CCDC91: variants seen among roughly 807,000 people sequenced by gnomAD.
CCDC91 encodes the protein coiled-coil domain containing 91.
Under a neutral mutation model 63.2 loss-of-function variants are expected in CCDC91, and 48 were observed. The ratio of observed to expected loss-of-function variants is 0.76; its 90% CI spans 0.60 to 0.97. CCDC91 has a LOEUF of 0.97. Ranked by LOEUF, CCDC91 falls within the 50% of genes least tolerant of loss-of-function variation. CCDC91 has a pLI of 0.00. For synonymous variants in CCDC91, 167 were observed against 165.8 expected, an observed-to-expected ratio of 1.01 and a Z score of -0.06; for missense variants, 500 against 494.6, an observed-to-expected ratio of 1.01 and a Z score of -0.10.
intron 3 of CCDC91, among the ~76,000 whole-genome samples, chr12:28,286,154 G>T (rs982567096): frequency 6.6e-6 from 1 of 151,832 alleles, no homozygotes; most frequent in African/African-American, 2.4e-5. Context: ...TTCCAATAAA[G>T]AAGTTTTTTT....
chr12:28,248,010 T>C (rs1170066843), intron 1 of CCDC91, among the ~76,000 whole-genome samples: 2 of 152,152 alleles, frequency 1.3e-5, no homozygotes, highest in African/African-American at 4.8e-5. Context: ...CACCTCCTGC[T>C]GTGCAGCCTG....
Position 28,549,332 on chromosome 12 carries a change from G to T in CCDC91, c.*159G>T. 1 of 473,496 alleles carries T rather than the reference G, an allele frequency of 2.1e-6. No homozygotes were observed. Among genetic ancestry groups the T allele is most frequent in the South Asian group, 4.0e-5 (1 of 25,216 alleles). The allele number at this position is 473,496 out of a possible 1,614,324, so 29.3% of individuals were successfully genotyped here. A position where few individuals can be genotyped will look rare whatever the true frequency, so the allele number is the denominator to read the frequency against. On this transcript the variant is annotated 3_prime_UTR_variant, in exon 13 of 13. Transcript: ENST00000536442. ...AAAACAATATTTAGAACTATCAAGT[G>T]ATCTAATTTATTTTCTTTTGGTTTC...
rs575501933 is a variant in CCDC91 at position 28,395,134 on chromosome 12, C to A, written c.762+3723C>A. On this transcript the variant is annotated intron_variant, in intron 8 of 12. Coordinates refer to ENST00000536442, the MANE Select transcript of CCDC91 (RefSeq NM_018318.5). Reference sequence around the variant, plus strand: ...TTCATATGTTGTCTTGTCAAAGAACCTTTACTTTTTACAAAATTTACTTTG... The same window carrying A: ...TTCATATGTTGTCTTGTCAAAGAACATTTACTTTTTACAAAATTTACTTTG... Among the ~76,000 whole-genome samples, 30 of 152,170 alleles carry A rather than the reference C, an allele frequency of 2.0e-4. No homozygotes were observed. In the South Asian group the frequency reaches 6.2e-3, roughly 32 times the overall value.
At chr12:28,434,758 G>C (rs1948816383) in intron 8 of CCDC91, among the ~76,000 whole-genome samples, 1 of 151,330 alleles carries the variant, frequency 6.6e-6, no homozygotes. Flanking sequence ...CCCATCTGAA[G>C]TTGGTGCTTT....
At chr12:28,378,985 G>A (rs1945115152) in intron 7 of CCDC91, among the ~76,000 whole-genome samples, 1 of 151,990 alleles carries the variant, frequency 6.6e-6, no homozygotes, top group Non-Finnish European at 1.5e-5. Context: ...AAACCAAAAG[G>A]TATTGGAAAC....
At chr12:28,338,562 C>T (rs1452395798) in intron 6 of CCDC91, among the ~76,000 whole-genome samples, 1 of 152,014 alleles carries the variant, frequency 6.6e-6, no homozygotes, top group Admixed American at 6.5e-5. Context: ...ACCAGGGGGC[C>T]ACCCTACATA....
intron 8 of CCDC91, among the ~76,000 whole-genome samples, chr12:28,399,366 C>T (rs567347997): frequency 6.6e-6 from 1 of 152,266 alleles, no homozygotes; most frequent in South Asian, 2.1e-4. Context: ...CCATGATTTC[C>T]TCCCACTGGG....
chr12:28,479,618 A>C (rs566514036), intron 11 of CCDC91, among the ~76,000 whole-genome samples: 1 of 152,238 alleles, frequency 6.6e-6, no homozygotes, highest in Admixed American at 6.6e-5. Flanking sequence ...TATAATAAAA[A>C]TATATAAAAA....
rs187796304 is a variant in CCDC91, at chr12:28,248,115, G to A, written c.-14-9087G>A. ...GATTTTGTGATTGATTTTATATATG[G>A]GGTGAGAGAGAGAAGTATGAGGCAA... On this transcript the variant is annotated intron_variant, in intron 1 of 12. Transcript: ENST00000536442. 1.1e-4 allele frequency among the ~76,000 whole-genome samples: 17 copies of A among 152,246 alleles called. No individual in the cohort carries two copies. In the East Asian group the frequency reaches 3.1e-3, roughly 28 times the overall value.
At chr12:28,437,147 A>G (rs1251520059) in intron 8 of CCDC91, among the ~76,000 whole-genome samples, 16 of 144,024 alleles carry the variant, frequency 1.1e-4, no homozygotes, top group Non-Finnish European at 2.3e-4. Flanking sequence ...ATTTATCAGT[A>G]AAAGTGTCCT....
intron 6 of CCDC91, among the ~76,000 whole-genome samples, chr12:28,325,846 A>G (rs1346139637): frequency 6.6e-6 from 1 of 152,030 alleles, no homozygotes; most frequent in Non-Finnish European, 1.5e-5. Context: ...CTATTTAGGA[A>G]ATATTATTCT....
intron 7 of CCDC91, among the ~76,000 whole-genome samples, chr12:28,380,768 A>G (rs932381826): frequency 6.6e-6 from 1 of 152,140 alleles, no homozygotes; most frequent in Non-Finnish European, 1.5e-5. Context: ...ATCAATCAAT[A>G]TAATGTCAAT....
intron 8 of CCDC91, among the ~76,000 whole-genome samples, chr12:28,397,813 A>T (rs1946380346): frequency 1.3e-5 from 2 of 152,144 alleles, no homozygotes; most frequent in South Asian, 4.1e-4. Context: ...TAAGATAGAG[A>T]CACTATCTGT....
chr12:28,544,574 A>G (rs1418555776), intron 12 of CCDC91, among the ~76,000 whole-genome samples: 1 of 152,036 alleles, frequency 6.6e-6, no homozygotes, highest in Non-Finnish European at 1.5e-5. Flanking sequence ...GAAGCTCAAA[A>G]CATTGAAAGT....
At chr12:28,527,710 C>G (rs1941390869) in intron 12 of CCDC91, among the ~76,000 whole-genome samples, 1 of 152,128 alleles carries the variant, frequency 6.6e-6, no homozygotes, top group Non-Finnish European at 1.5e-5. Context: ...TAGGAAAGGA[C>G]CATTAGATGG....
At chr12:28,518,691 A>T (rs982866781) in intron 12 of CCDC91, among the ~76,000 whole-genome samples, 20 of 151,864 alleles carry the variant, frequency 1.3e-4, no homozygotes, top group African/African-American at 4.6e-4. Flanking sequence ...TTTTTATTGC[A>T]TTTGTTTTTG....
intron 6 of CCDC91, among the ~76,000 whole-genome samples, chr12:28,350,275 G>A (rs1174442704): frequency 3.3e-5 from 5 of 152,194 alleles, no homozygotes. Context: ...TAAAGATCTG[G>A]TATTATTGCT....
intron 12 of CCDC91, among the ~76,000 whole-genome samples, chr12:28,535,268 C>T (rs140912637): frequency 3.0e-4 from 45 of 152,028 alleles, no homozygotes; most frequent in Non-Finnish European, 5.1e-4. Context: ...ATTTTTCATC[C>T]GGGCATAATG....
At chr12:28,286,791 G>A (rs867973337) in intron 3 of CCDC91, among the ~76,000 whole-genome samples, 3 of 152,276 alleles carry the variant, frequency 2.0e-5, no homozygotes, top group Middle Eastern at 3.4e-3. Context: ...TTGCCACACA[G>A]CGTTTCCACA....
Sources: allele counts gnomAD v4.1 joint callset (sites outside exome capture counted in the v4.1 genomes callset), GRCh38; gene constraint gnomAD v4.1.1; transcripts MANE v1.5; gene names NCBI Gene and HGNC (gene_info 2026-07-23, HGNC 2026-07-21).